The following INPP5F variants were observed in gnomAD, a reference collection of about 807,000 sequenced individuals.
INPP5F encodes the protein phosphatidylinositide 4-phosphatase SAC2.
Under a neutral mutation model 137.2 loss-of-function variants are expected in INPP5F, and 97 were observed. The ratio of observed to expected loss-of-function variants is 0.71; its 90% CI spans 0.60 to 0.84. INPP5F has a LOEUF of 0.84. INPP5F is among the 40% of genes least tolerant of loss of function. The pLI, the probability that INPP5F is intolerant of heterozygous loss-of-function variation, is 0.00. For synonymous variants in INPP5F, 504 were observed against 476.9 expected (o/e 1.06, Z -0.74); for missense variants, 1,271 against 1,371.9 (o/e 0.93, Z 1.16).
intron 11 of INPP5F, 101 bp from the exon 12 acceptor site, chr10:119,806,259 C>T (rs1022688261): frequency 1.3e-5 from 10 of 762,564 alleles, no homozygotes; most frequent in African/African-American, 5.3e-5. Context: ...AAGCAAATTA[C>T]AGCCAGTGCT....
At chr10:119,746,891 C>G (rs935512175) in intron 1 of INPP5F, among the ~76,000 whole-genome samples, 1 of 151,684 alleles carries the variant, frequency 6.6e-6, no homozygotes. Context: ...CGGATTCAAG[C>G]GATTCTTGTG....
At chr10:119,738,473 A>G (rs186152960) in intron 1 of INPP5F, among the ~76,000 whole-genome samples, 1 of 152,252 alleles carries the variant, frequency 6.6e-6, no homozygotes, top group African/African-American at 2.4e-5. Context: ...TTTCTCTGCC[A>G]TTCCAGTGCC....
chr10:119,788,678 AG>A (rs1467079483), intron 3 of INPP5F, among the ~76,000 whole-genome samples: 2 of 152,220 alleles, frequency 1.3e-5, no homozygotes, highest in Non-Finnish European at 2.9e-5. Flanking sequence ...ATTTAAAAGA[AG>A]ATTCTCACTT....
chr10:119,826,729 C>A lies in INPP5F; in HGVS notation c.2348C>A (p.Ser783Tyr). The stretch of plus-strand genomic sequence containing the variant: ...AATTTTTTAATGAGCAAATTTTCAT[C>A]TCTAAATCAAAAAGTGAAGCAGACC... ...GKNFLMSKFSSLNQKVKQTKS... is the reference protein window; with the variant it reads ...GKNFLMSKFSYLNQKVKQTKS... The change falls in exon 20 of 20, where the codon TCT becomes TAT. Residue 783 changes from serine to tyrosine, a missense_variant. Physicochemically the swap from Ser to Tyr is moderately radical, Grantham distance 144. Around this residue, in one of 6 missense-constraint regions of INPP5F, gnomAD observed 490 missense variants for 443.7 expected, o/e 1.10. Coordinates refer to ENST00000650623, the MANE Select transcript of INPP5F (RefSeq NM_014937.4). The A allele has an allele frequency of 1.2e-6, 2 of 1,613,358 alleles. No homozygotes were observed. The highest frequency in any genetic ancestry group is 1.7e-6 in the Non-Finnish European group (2 of 1,179,708).
Position 119,726,364 on chromosome 10 carries a change from G to A in INPP5F, c.97+5G>A, listed in dbSNP as rs1461159797. ...GCGGCCTCCAGCTCCGACCCGGTGAGGCTGGCGGTGCGGGCGGGGGGCACC... is the reference window on the plus strand; with the variant it reads ...GCGGCCTCCAGCTCCGACCCGGTGAAGCTGGCGGTGCGGGCGGGGGGCACC... On this transcript the variant is annotated splice_donor_5th_base_variant and intron_variant, in intron 1 of 19. Coordinates refer to ENST00000650623, the MANE Select transcript of INPP5F (RefSeq NM_014937.4). 6.7e-6 allele frequency: 9 copies of A among 1,350,550 alleles called. No homozygotes were observed. The East Asian group carries it at 2.3e-4, about 34-fold the overall frequency. The allele number at this position is 1,350,550 out of a possible 1,614,324, so 83.7% of individuals were successfully genotyped here.
Position 119,791,869 on chromosome 10 carries a change from G to A in INPP5F, c.445G>A (p.Val149Ile). 1 of 1,597,746 alleles carries A rather than the reference G, an allele frequency of 6.3e-7. No individual in the cohort carries two copies. Among genetic ancestry groups the A allele is most frequent in the African/African-American group, 1.3e-5 (1 of 74,510 alleles). The change falls in exon 5 of 20, where the codon GTT (valine) becomes ATT (isoleucine). Residue 149 changes from valine to isoleucine, a missense_variant and splice_region_variant. Coordinates refer to ENST00000650623, the MANE Select transcript of INPP5F (RefSeq NM_014937.4). Reference protein sequence around the residue: ...SNVSAPNKKKVKESKEKEKLE... With the variant: ...SNVSAPNKKKIKESKEKEKLE... ...GTAATAGTAGATTAATTTCTTATAG[G>A]TTAAGGAAAGTAAAGAGAAGGAGAA...
chr10:119,742,332 A>G (rs1429393313), intron 1 of INPP5F, among the ~76,000 whole-genome samples: 1 of 151,456 alleles, frequency 6.6e-6, no homozygotes, highest in Non-Finnish European at 1.5e-5. Context: ...TTTTTTTTGT[A>G]TTTTTAGTAG....
At chr10:119,822,684 T>C (rs1851611925) in intron 17 of INPP5F, among the ~76,000 whole-genome samples, 180 bp downstream of exon 17, 1 of 152,256 alleles carries the variant, frequency 6.6e-6, no homozygotes, top group Non-Finnish European at 1.5e-5. Context: ...TATGAAATCC[T>C]AAGGCAGAAA....
Position 119,804,245 on chromosome 10 carries a change from C to T in INPP5F, c.1189C>T (p.Leu397Phe). The T allele has an allele frequency of 6.2e-7, 1 of 1,612,722 alleles. No individual in the cohort carries two copies. The highest frequency in any genetic ancestry group is 1.1e-5 in the South Asian group (1 of 90,906). ...IGDAYLKQVL[L>F]FNNSHLTYVS... ...CGATGCTTACCTGAAGCAAGTGTTG[C>T]TTTTCAACAACTCACACCTCACTTA... The change falls in exon 10 of 20, where the codon CTT (leucine) becomes TTT (phenylalanine). Residue 397 changes from leucine to phenylalanine, a missense_variant. Leu to Phe is a conservative substitution (Grantham distance 22, BLOSUM62 0). Around this residue, in one of 6 missense-constraint regions of INPP5F, gnomAD observed 593 missense variants for 712.4 expected, o/e 0.83. Transcript: ENST00000650623.
intron 11 of INPP5F, 84 bp downstream of exon 11, chr10:119,805,545 C>A: frequency 2.2e-6 from 2 of 916,728 alleles, no homozygotes; most frequent in South Asian, 2.8e-5. Context: ...TAGCAGCATG[C>A]AGAGACAGCA....
intron 2 of INPP5F, among the ~76,000 whole-genome samples, chr10:119,769,973 A>T (rs181620311): frequency 0.021 from 3,094 of 150,616 alleles, 52 homozygotes; most frequent in Middle Eastern, 0.065. Context: ...CAGGAGAAAA[A>T]TTTTTTTTTC....
rs749806133 is a variant in INPP5F, at chr10:119,798,576, A to G, written c.1082A>G (p.His361Arg). Residue 361 changes from histidine to arginine, a missense_variant, in exon 9 of 20, where the codon CAT becomes CGT. By Grantham distance (29) the His-to-Arg change is conservative. Coordinates refer to ENST00000650623, the MANE Select transcript of INPP5F (RefSeq NM_014937.4). ...GAAACTGTTGCCTATTTCTGTGCCC[A>G]TTTCGAAGAACAACTGAACATTTAC... ...EKETVAYFCA[H>R]FEEQLNIYKK... 1.2e-6 allele frequency: 2 copies of G among 1,612,598 alleles called. No individual in the cohort carries two copies. The highest frequency in any genetic ancestry group is 2.2e-5 in the East Asian group (1 of 44,730).
chr10:119,758,968 G>C (rs1168837611), intron 2 of INPP5F, among the ~76,000 whole-genome samples: 12 of 152,134 alleles, frequency 7.9e-5, no homozygotes, highest in Non-Finnish European at 5.9e-5. Context: ...AGTGGTAAAT[G>C]GAGTGTCACT....
intron 3 of INPP5F, among the ~76,000 whole-genome samples, chr10:119,789,444 T>G (rs1850053260): frequency 6.6e-6 from 1 of 152,114 alleles, no homozygotes; most frequent in African/African-American, 2.4e-5. Context: ...GAAAGCATCT[T>G]TTTAAAACTG....
chr10:119,741,928 C>T (rs1338644516), intron 1 of INPP5F, among the ~76,000 whole-genome samples: 1 of 152,062 alleles, frequency 6.6e-6, no homozygotes, highest in Non-Finnish European at 1.5e-5. Context: ...TCAAGTGATT[C>T]TCCCACCTGG....
At chr10:119,771,602 T>C (rs1287189059) in intron 2 of INPP5F, among the ~76,000 whole-genome samples, 1 of 151,946 alleles carries the variant, frequency 6.6e-6, no homozygotes, top group Non-Finnish European at 1.5e-5. Context: ...ACAATTATTA[T>C]GCTTATAGTC....
chr10:119,744,695 G>T (rs1197429888), intron 1 of INPP5F, among the ~76,000 whole-genome samples: 1 of 152,118 alleles, frequency 6.6e-6, no homozygotes, highest in East Asian at 1.9e-4. Flanking sequence ...GGGACTACAG[G>T]TGCGTGCCGC....
At chr10:119,776,719 A>G (rs1490726041) in intron 2 of INPP5F, among the ~76,000 whole-genome samples, 1 of 151,426 alleles carries the variant, frequency 6.6e-6, no homozygotes, top group East Asian at 1.9e-4. Flanking sequence ...AGAGAGAGAG[A>G]GAAAGAGAGG....
At chr10:119,822,402 C>G (rs1851603680) in intron 16 of INPP5F, 29 bp from the exon 17 acceptor site, 1 of 1,231,148 alleles carries the variant, frequency 8.1e-7, no homozygotes, top group African/African-American at 1.5e-5. Flanking sequence ...GATTTAAATC[C>G]TCTTTTAACT....
Sources: gnomAD v4.1 joint callset for allele counts (sites outside exome capture counted in the v4.1 genomes callset) on GRCh38, gnomAD v4.1.1 for gene constraint, gnomAD v4.1.1 regional missense constraint, MANE v1.5 for transcripts, NCBI Gene and HGNC (gene_info 2026-07-23, HGNC 2026-07-21) for gene names.